Variants in ABCB9 observed in about 807,000 individuals in gnomAD.
ABCB9 encodes the protein ATP binding cassette subfamily B member 9.
In ABCB9, 36 loss-of-function variants were observed where a neutral mutation model predicts 62.0. That is an observed-to-expected ratio of 0.58 (90% confidence interval 0.45 to 0.77). ABCB9 has a LOEUF of 0.77. Among genes scored for constraint, ABCB9 ranks in the 30% least tolerant of loss-of-function variants. The pLI, the probability that ABCB9 is intolerant of heterozygous loss-of-function variation, is 0.00. For synonymous variants in ABCB9, 435 were observed against 461.4 expected (o/e 0.94, Z 0.73); for missense variants, 943 against 1,054.7 (o/e 0.89, Z 1.47).
Position 122,949,879 on chromosome 12 carries a change from G to C in ABCB9, c.756C>G (p.Leu252=), listed in dbSNP as rs1263241235. 1 of 1,614,218 alleles carries C rather than the reference G, an allele frequency of 6.2e-7. No homozygotes were observed. The highest frequency in any genetic ancestry group is 2.2e-5 in the East Asian group (1 of 44,878). ...AAGIRGGIFT[L]IFARLNIRLR... ...GGCGAATGTTCAGTCTGGCAAATAT[G>C]AGGGTAAAAATGCCGCCCCGAATAC... Residue 252 remains leucine (L), a synonymous_variant, in exon 4 of 12, where the codon CTC becomes CTG. Transcript: ENST00000280560.
intron 6 of ABCB9, among the ~76,000 whole-genome samples, chr12:122,945,401 C>T (rs1054318777): frequency 2.0e-5 from 3 of 152,128 alleles, no homozygotes; most frequent in African/African-American, 7.2e-5. Flanking sequence ...CTGTGACGCA[C>T]TCCCGGGAGT....
chr12:122,972,970 C>T (rs879256397), intron 1 of ABCB9: 3 of 152,360 alleles, frequency 2.0e-5, no homozygotes, highest in Non-Finnish European at 1.5e-5. Context: ...CTGCTACTCA[C>T]TAGGTTTATG....
At chr12:122,950,423 G>C in intron 3 of ABCB9, 28 bp downstream of exon 3, 2 of 1,588,132 alleles carry the variant, frequency 1.3e-6, no homozygotes, top group Non-Finnish European at 1.7e-6. Context: ...GGGTGTGCGG[G>C]GCAGGGCGTG....
downstream of ABCB9, among the ~76,000 whole-genome samples, chr12:122,925,302 T>A (rs891867920): frequency 6.6e-6 from 1 of 152,062 alleles, no homozygotes; most frequent in African/African-American, 2.4e-5. Flanking sequence ...GCAACCCTCA[T>A]GGATTGCTGG....
rs1433956911 is a variant in ABCB9 at position 122,959,253 on chromosome 12, G to A, written c.601+382C>T. 6.6e-6 allele frequency among the ~76,000 whole-genome samples: 1 copy of A among 151,946 alleles called. No individual in the cohort carries two copies. The highest frequency in any genetic ancestry group is 2.4e-5 in the African/African-American group (1 of 41,448). ...TGTAGTCCCAGCTACTTGAGAGGCT[G>A]AGGCAGGAGAATCACTTGAAGCTGG... is the stretch of plus-strand genomic sequence containing the variant. On this transcript the variant is annotated intron_variant, in intron 2 of 11. Coordinates refer to ENST00000280560, the MANE Select transcript of ABCB9 (RefSeq NM_019625.4). This position sits in a 1 kb window ranked among gnomAD's most constrained non-coding sequence, Gnocchi z 5.4.
chr12:122,974,155 T>C (rs1002239633), intron 1 of ABCB9, among the ~76,000 whole-genome samples: 10 of 152,030 alleles, frequency 6.6e-5, no homozygotes, highest in Admixed American at 4.6e-4. Context: ...GCCTGCCTGG[T>C]GGGTGGCTGG....
chr12:122,947,402 G>A lies in ABCB9; in HGVS notation c.1054-1180C>T. On this transcript the variant is annotated intron_variant, in intron 5 of 11. Transcript: ENST00000280560. The surrounding 1 kb of genome is among the most constrained non-coding windows in gnomAD (Gnocchi z 6.0). Reference sequence around the variant, plus strand: ...TGGCCTCACCGGGGGCTGGGTGGGAGATGGCTTCCTTTGCTACCCTGGTCT... The same window carrying A: ...TGGCCTCACCGGGGGCTGGGTGGGAAATGGCTTCCTTTGCTACCCTGGTCT... The A allele has an allele frequency of 2.4e-6, 1 of 414,968 alleles. No individual in the cohort carries two copies. The highest frequency in any genetic ancestry group is 4.9e-6 in the Non-Finnish European group (1 of 202,530). 25.7% of individuals were successfully genotyped at this position (414,968 alleles called of 1,614,324 possible).
At chr12:122,949,586 G>A (rs2036242975) in intron 4 of ABCB9, among the ~76,000 whole-genome samples, 2 of 152,200 alleles carry the variant, frequency 1.3e-5, no homozygotes, top group South Asian at 2.1e-4. Context: ...CACAGAGGCC[G>A]CAGCCCACAC....
At chr12:122,958,151 C>A in intron 2 of ABCB9, among the ~76,000 whole-genome samples, 1 of 103,258 alleles carries the variant, frequency 9.7e-6, no homozygotes, top group Admixed American at 1.6e-4. Context: ...GCCTGGGTGA[C>A]AGAGCAAGAC....
Position 122,929,709 on chromosome 12 carries a change from C to G in ABCB9, c.*202G>C. 1 of 1,318,762 alleles carries G rather than the reference C, an allele frequency of 7.6e-7. No individual in the cohort carries two copies. Among genetic ancestry groups the G allele is most frequent in the East Asian group, 2.7e-5 (1 of 36,770 alleles). The allele number at this position is 1,318,762 out of a possible 1,614,324, so 81.7% of individuals were successfully genotyped here. A position where few individuals can be genotyped will look rare whatever the true frequency, so the allele number is the denominator to read the frequency against. On this transcript the variant is annotated 3_prime_UTR_variant, in exon 12 of 12. Transcript: ENST00000280560. The surrounding 1 kb of genome is among the most constrained non-coding windows in gnomAD (Gnocchi z 6.0). ...AGGGAGGTCCGTGAAGGCGTTGGCT[C>G]AGGGCAGCAGGGGTAAGGAGTGCCC...
exon 1 of ABCB9, chr12:122,974,919 G>A (rs949528453): frequency 1.5e-4 from 32 of 217,318 alleles, no homozygotes; most frequent in Admixed American, 8.4e-4. Flanking sequence ...GGCGGGGGGT[G>A]GGTCGGCGTT....
At chr12:122,936,267 T>A (rs1001792222) in intron 9 of ABCB9, among the ~76,000 whole-genome samples, 2 of 152,276 alleles carry the variant, frequency 1.3e-5, no homozygotes, top group Non-Finnish European at 2.9e-5. Context: ...CCTTCATATA[T>A]TGATATATTT....
At position 122,947,672 on chromosome 12, in the gene ABCB9, TG is replaced by T; in HGVS notation, c.1053+951del. 3.5e-6 allele frequency: 1 copy of T among 284,310 alleles called. No homozygotes were observed. Among genetic ancestry groups the T allele is most frequent in the Non-Finnish European group, 7.4e-6 (1 of 135,126 alleles). 17.6% of individuals were successfully genotyped at this position (284,310 alleles called of 1,614,324 possible). The stretch of plus-strand genomic sequence containing the variant: ...AGCAGGAGGAGGGTGAGGTCAAACC[TG>T]GCTCACGGCCCTAGCTCGGAAGCAG... On this transcript the variant is annotated intron_variant, in intron 5 of 11. Transcript: ENST00000280560. The surrounding 1 kb of genome is among the most constrained non-coding windows in gnomAD (Gnocchi z 6.0).
Position 122,929,451 on chromosome 12 carries a change from A to C in ABCB9, c.*460T>G, listed in dbSNP as rs2035023277. 1 of 988,178 alleles carries C rather than the reference A, an allele frequency of 1.0e-6. No individual in the cohort carries two copies. The highest frequency in any genetic ancestry group is 1.2e-6 in the Non-Finnish European group (1 of 831,652). The allele number at this position is 988,178 out of a possible 1,614,324, so 61.2% of individuals were successfully genotyped here. On this transcript the variant is annotated 3_prime_UTR_variant, in exon 12 of 12. Transcript: ENST00000280560. The surrounding 1 kb of genome is among the most constrained non-coding windows in gnomAD (Gnocchi z 6.0). ...CGGGACAGGGAAGCCCCTTCTCTGG[A>C]GGGGTAAAGGGGAGAGGCCTAGTCT...
chr12:122,947,708 C>T lies in ABCB9; in HGVS notation c.1053+916G>A, dbSNP rs938319684. The T allele has an allele frequency of 1.5e-5, 4 of 264,006 alleles. No individual in the cohort carries two copies. The highest frequency in any genetic ancestry group is 2.4e-5 in the Non-Finnish European group (3 of 124,892). The allele number at this position is 264,006 out of a possible 1,614,324, so 16.4% of individuals were successfully genotyped here. ...CCTAGCTCGGAAGCAGAAGCAGTGC[C>T]GTGGGGTGGCCAGAGGGGACAGCAG... On this transcript the variant is annotated intron_variant, in intron 5 of 11. Coordinates refer to ENST00000280560, the MANE Select transcript of ABCB9 (RefSeq NM_019625.4). The surrounding 1 kb of genome is among the most constrained non-coding windows in gnomAD (Gnocchi z 6.0).
chr12:122,973,578 GAAAAAAAAAA>G (rs57853191), intron 1 of ABCB9, among the ~76,000 whole-genome samples: 22 of 50,344 alleles, frequency 4.4e-4, no homozygotes, highest in African/African-American at 1.3e-3. Flanking sequence ...CTCAAAAAAA[GAAAAAAAAAA>G]AAAAAAAAAA....
At chr12:122,931,850 G>A in intron 11 of ABCB9, 1 of 317,842 alleles carries the variant, frequency 3.1e-6, no homozygotes, top group Non-Finnish European at 6.0e-6. Flanking sequence ...CACCATGTTG[G>A]CCAGGCTGGT....
rs572600913 is a variant in ABCB9 at position 122,922,434 on chromosome 12, C to G, written c.2041-1391G>C. ...TCACTCTGTTGCCCAGGCTGGAGTGCAGTGGCACGATCTTAGCTCATTGCA... is the reference window on the plus strand; with the variant it reads ...TCACTCTGTTGCCCAGGCTGGAGTGGAGTGGCACGATCTTAGCTCATTGCA... On this transcript the variant is annotated intron_variant, in intron 11 of 11. Coordinates refer to the ABCB9 transcript ENST00000344275. Among the ~76,000 whole-genome samples, 37 of 152,132 alleles carry G rather than the reference C, an allele frequency of 2.4e-4. No homozygotes were observed. The South Asian group carries it at 7.3e-3, about 30-fold the overall frequency.
intron 6 of ABCB9, among the ~76,000 whole-genome samples, chr12:122,945,653 G>T (rs758499549): frequency 1.3e-5 from 2 of 152,144 alleles, no homozygotes; most frequent in Non-Finnish European, 2.9e-5. Flanking sequence ...TGATGCGGGT[G>T]GATCACCTGA....
Sources: gnomAD v4.1 joint callset for allele counts (sites outside exome capture counted in the v4.1 genomes callset) on GRCh38, gnomAD v4.1.1 for gene constraint, Gnocchi (gnomAD v3.1) non-coding constraint, MANE v1.5 for transcripts, NCBI Gene and HGNC (gene_info 2026-07-23, HGNC 2026-07-21) for gene names.